Variants in DNMT3B observed in about 807,000 individuals in gnomAD.
DNMT3B encodes the protein DNA (cytosine-5)-methyltransferase 3B.
DNMT3B carries 37 observed loss-of-function variants against 120.2 expected under a neutral mutation model. The observed-to-expected ratio is 0.31, with a 90% confidence interval of 0.24 to 0.40. The LOEUF is 0.40. Among genes scored for constraint, DNMT3B ranks in the 10% least tolerant of loss-of-function variants. The probability of loss-of-function intolerance (pLI) is 1.00; values close to 1 mark genes in which losing one functional copy is unlikely to be tolerated. For synonymous variants in DNMT3B, 412 were observed against 442.8 expected (o/e 0.93, Z 0.87); for missense variants, 878 against 1,137.3 (o/e 0.77, Z 3.28).
chr20:32,796,828 T>C lies in DNMT3B; in HGVS notation c.1336T>C (p.Phe446Leu). 6.2e-7 allele frequency: 1 copy of C among 1,614,200 alleles called. No individual in the cohort carries two copies. The highest frequency in any genetic ancestry group is 1.3e-5 in the African/African-American group (1 of 75,060). Residue 446 changes from phenylalanine to leucine, a missense_variant, in exon 13 of 23, where the codon TTC (phenylalanine) becomes CTC (leucine). Transcript: ENST00000328111. The stretch of plus-strand genomic sequence containing the variant: ...TTGTGGCAGGAAAAACCCCGTGTCC[T>C]TCCACCCTCTCTTTGAGGGGGGGCT... ...LSCGRKNPVS[F>L]HPLFEGGLCQ...
intron 17 of DNMT3B, 27 bp from the exon 18 acceptor site, chr20:32,800,808 C>G: frequency 6.2e-7 from 1 of 1,611,894 alleles, no homozygotes; most frequent in Non-Finnish European, 8.5e-7. Context: ...TCCACACCCT[C>G]ATCCTGACTC....
At chr20:32,805,817 C>T (rs560857684) in intron 21 of DNMT3B, among the ~76,000 whole-genome samples, 3 of 152,076 alleles carry the variant, frequency 2.0e-5, no homozygotes, top group Non-Finnish European at 2.9e-5. Flanking sequence ...ATTGAGCATT[C>T]TCTGTATCTG....
chr20:32,800,415 A>T (rs1204527372), intron 17 of DNMT3B, 117 bp downstream of exon 17: 8 of 1,443,876 alleles, frequency 5.5e-6, no homozygotes, highest in Non-Finnish European at 7.7e-6. Context: ...AAGGATTGAA[A>T]TCCTGTGGGA....
chr20:32,798,573 T>C lies in DNMT3B; in HGVS notation c.1604T>C (p.Val535Ala), dbSNP rs1163172380. Reference protein sequence around the residue: ...YMCLPQRCHGVLRRRKDWNVR... With the variant: ...YMCLPQRCHGALRRRKDWNVR... Reference sequence around the variant, plus strand: ...TGTCTCCCGCAGCGCTGTCATGGCGTCCTGCGGCGCCGGAAGGACTGGAAC... The same window carrying C: ...TGTCTCCCGCAGCGCTGTCATGGCGCCCTGCGGCGCCGGAAGGACTGGAAC... Residue 535 changes from valine (V) to alanine (A), a missense_variant, in exon 15 of 23, where the codon GTC (valine) becomes GCC (alanine). This residue lies in a region of DNMT3B where 334 missense variants were observed against 518.8 expected (regional missense o/e 0.64). Coordinates refer to ENST00000328111, the MANE Select transcript of DNMT3B (RefSeq NM_006892.4). 6.2e-7 allele frequency: 1 copy of C among 1,614,248 alleles called. No homozygotes were observed. The highest frequency in any genetic ancestry group is 1.1e-5 in the South Asian group (1 of 91,090).
At chr20:32,777,907 A>C (rs1988145754) in intron 1 of DNMT3B, among the ~76,000 whole-genome samples, 1 of 152,184 alleles carries the variant, frequency 6.6e-6, no homozygotes, top group African/African-American at 2.4e-5. Flanking sequence ...AGGTGCTGAT[A>C]CACACTCTGG....
Position 32,785,111 on chromosome 20 carries a change from A to G in DNMT3B, c.306+252A>G, listed in dbSNP as rs116546738. ...GCGTGCAATGGCGTGATCTTAGCTC[A>G]CTGCAACAACCTCTGCCTCCTTGGT... is the stretch of plus-strand genomic sequence containing the variant. On this transcript the variant is annotated intron_variant, in intron 4 of 22. Transcript: ENST00000328111. Among the ~76,000 whole-genome samples, 1,390 of 150,682 alleles carry G rather than the reference A, an allele frequency of 9.2e-3. 26 individuals are homozygous for G. The highest frequency in any genetic ancestry group is 0.032 in the African/African-American group (1,317 of 40,836).
At chr20:32,784,490 T>C (rs569489096) in intron 3 of DNMT3B, among the ~76,000 whole-genome samples, 218 of 152,226 alleles carry the variant, frequency 1.4e-3, no homozygotes, top group African/African-American at 5.1e-3. Flanking sequence ...TGCTTCAGCT[T>C]TTGTGTTTGG....
At chr20:32,785,752 A>T (rs540390392) in intron 4 of DNMT3B, among the ~76,000 whole-genome samples, 1 of 152,332 alleles carries the variant, frequency 6.6e-6, no homozygotes, top group South Asian at 2.1e-4. Flanking sequence ...GACAATGAAC[A>T]TGGAGCCTAA....
intron 1 of DNMT3B, among the ~76,000 whole-genome samples, chr20:32,777,863 C>T (rs962122879): frequency 1.3e-5 from 2 of 152,314 alleles, no homozygotes; most frequent in African/African-American, 4.8e-5. Flanking sequence ...GATTCAGGCA[C>T]GTCCCTTGTC....
chr20:32,799,393 A>T, intron 16 of DNMT3B, 65 bp downstream of exon 16: 1 of 1,553,664 alleles, frequency 6.4e-7, no homozygotes, highest in Non-Finnish European at 8.8e-7. Flanking sequence ...GGGAGTCAGA[A>T]GGCATGGTTA....
At chr20:32,800,708 G>T (rs1033458471) in intron 17 of DNMT3B, 127 bp from the exon 18 acceptor site, 3 of 1,048,302 alleles carry the variant, frequency 2.9e-6, no homozygotes, top group Non-Finnish European at 4.5e-6. Context: ...ATCCACCCCC[G>T]CCGTCAGCCT....
intron 10 of DNMT3B, 63 bp from the exon 11 acceptor site, chr20:32,795,346 G>T: frequency 1.9e-6 from 3 of 1,611,476 alleles, no homozygotes; most frequent in Non-Finnish European, 2.5e-6. Context: ...GTCTTGTCCT[G>T]GGCCCGCATT....
In DNMT3B at chr20:32,791,048, C is replaced by T. The variant is rs535806486; in HGVS notation, c.814-553C>T. On this transcript the variant is annotated intron_variant, in intron 7 of 22. Transcript: ENST00000328111. ...TCATGCTTGGTCCAGGGACTTGGTA[C>T]ATCAGGAGACTTGTGGAATATGGAT... Among the ~76,000 whole-genome samples, 6 of 152,304 alleles carry T rather than the reference C, an allele frequency of 3.9e-5. No individual in the cohort carries two copies. The East Asian group carries it at 9.6e-4, about 24-fold the overall frequency.
At position 32,805,334 on chromosome 20, in the gene DNMT3B, C is replaced by T. The variant is rs1399306778; in HGVS notation, c.2232-4C>T. The T allele has an allele frequency of 6.2e-7, 1 of 1,614,160 alleles. No individual in the cohort carries two copies. On this transcript the variant is annotated splice_region_variant and splice_polypyrimidine_tract_variant and intron_variant, in intron 20 of 22. Coordinates refer to ENST00000328111, the MANE Select transcript of DNMT3B (RefSeq NM_006892.4). ...AAGAAGTAATGGGTTTTGGCTGTTCCCAGGCCCGTGATAGCATCAAAGAAT... is the reference window on the plus strand; with the variant it reads ...AAGAAGTAATGGGTTTTGGCTGTTCTCAGGCCCGTGATAGCATCAAAGAAT...
intron 3 of DNMT3B, among the ~76,000 whole-genome samples, chr20:32,783,522 A>G (rs1978877564): frequency 6.6e-6 from 1 of 151,022 alleles, no homozygotes; most frequent in Admixed American, 6.6e-5. Context: ...TCAGTCATAA[A>G]AGTCCTGGGC....
intron 20 of DNMT3B, among the ~76,000 whole-genome samples, chr20:32,802,958 T>A (rs1981534953): frequency 6.6e-6 from 1 of 152,190 alleles, no homozygotes; most frequent in African/African-American, 2.4e-5. Context: ...TCCTCCCCGT[T>A]GATGTAGTGA....
intron 15 of DNMT3B, 96 bp from the exon 16 acceptor site, chr20:32,799,148 T>G (rs1482189861): frequency 7.2e-7 from 1 of 1,397,772 alleles, no homozygotes; most frequent in Non-Finnish European, 9.9e-7. Flanking sequence ...ACGGCAAGGT[T>G]TGAAGCCCTC....
rs1447274753 is a variant in DNMT3B at position 32,798,658 on chromosome 20, C to T, written c.1674+15C>T. 3 of 1,613,500 alleles carry T rather than the reference C, an allele frequency of 1.9e-6. No homozygotes were observed. The highest frequency in any genetic ancestry group is 2.7e-5 in the African/African-American group (2 of 74,952). On this transcript the variant is annotated intron_variant, in intron 15 of 22. Transcript: ENST00000328111. ...GGCTTGAATATGTAAGCCACAGGCT[C>T]CCGCCTCTACCACCACAGATCCCAG...
chr20:32,790,534 C>T (rs1005902407), intron 7 of DNMT3B, among the ~76,000 whole-genome samples: 7 of 124,780 alleles, frequency 5.6e-5, no homozygotes, highest in Non-Finnish European at 1.2e-4. Flanking sequence ...AGCGGTTTCC[C>T]CCCACCAGAG....
Sources: gnomAD v4.1 joint callset for allele counts (sites outside exome capture counted in the v4.1 genomes callset) on GRCh38, gnomAD v4.1.1 for gene constraint, gnomAD v4.1.1 regional missense constraint, MANE v1.5 for transcripts, NCBI Gene and HGNC (gene_info 2026-07-23, HGNC 2026-07-21) for gene names.